The following SMG6 variants were observed in gnomAD, a reference collection of about 807,000 sequenced individuals.
The protein encoded by SMG6 is telomerase-binding protein EST1A.
SMG6 carries 66 observed loss-of-function variants against 142.2 expected under a neutral mutation model. The observed-to-expected ratio is 0.46, with a 90% CI of 0.38 to 0.57. SMG6 has a LOEUF of 0.57. Among genes scored for constraint, SMG6 ranks in the 20% least tolerant of loss-of-function variants. SMG6 has a pLI of 0.00. For synonymous variants in SMG6, 779 were observed against 702.4 expected, an observed-to-expected ratio of 1.11 and a Z score of -1.72; for missense variants, 1,793 against 1,832.0, an observed-to-expected ratio of 0.98 and a Z score of 0.39.
At chr17:2,283,783 C>T (rs774196045) in intron 6 of SMG6, 48 bp from the exon 7 acceptor site, 109 of 1,482,348 alleles carry the variant, frequency 7.4e-5, no homozygotes, top group Non-Finnish European at 9.6e-5. Flanking sequence ...CTCGTCCTAA[C>T]TCCAGCAAGA....
In SMG6 at chr17:2,188,508, G is replaced by A. The variant is rs758859759; in HGVS notation, c.2877C>T (p.Phe959=). The A allele has an allele frequency of 6.2e-7, 1 of 1,613,862 alleles. No individual in the cohort carries two copies. Among genetic ancestry groups the A allele is most frequent in the Non-Finnish European group, 8.5e-7 (1 of 1,179,928 alleles). The change falls in exon 11 of 19, where the codon TTC becomes TTT. Residue 959 remains phenylalanine, a synonymous_variant. Coordinates refer to ENST00000263073, the MANE Select transcript of SMG6 (RefSeq NM_017575.5). ...GGATCACAGAGCGGCACTCCTCCGA[G>A]AAGCAGTCTGCGGACAGGCAAATGA... is the stretch of plus-strand genomic sequence containing the variant. ...AVHNSQLKDC[F]SEECRSVIQE... is the part of the protein sequence containing the mutation.
chr17:2,080,942 T>G (rs2068405760), intron 15 of SMG6, among the ~76,000 whole-genome samples: 1 of 152,200 alleles, frequency 6.6e-6, no homozygotes, highest in Non-Finnish European at 1.5e-5. Flanking sequence ...GCCAGCACTT[T>G]CATTTAACAG....
chr17:2,299,861 CAG>C lies in SMG6; in HGVS notation c.890_891del (p.Ser297CysfsTer13). 6.2e-7 allele frequency: 1 copy of C among 1,614,160 alleles called. No individual in the cohort carries two copies. Among genetic ancestry groups the C allele is most frequent in the Non-Finnish European group, 8.5e-7 (1 of 1,179,982 alleles). On this transcript the variant is annotated frameshift_variant, in exon 2 of 19. Transcript: ENST00000263073. LOFTEE classifies it high-confidence loss of function. The surrounding 1 kb of genome is among the most constrained non-coding windows in gnomAD (Gnocchi z 4.3). ...KERPRLKKQVSVSSTDSLDED... is the reference protein window; with the variant it reads ...KERPRLKKQVXVSSTDSLDED... The stretch of plus-strand genomic sequence containing the variant: ...TCGTCTAAGGAATCGGTTGAGGACA[CAG>C]ACACTTGCTTCTTCAGTCGTGGCCT...
chr17:2,298,182 T>A (rs2075186308), intron 2 of SMG6, 127 bp from the exon 3 acceptor site: 4 of 740,756 alleles, frequency 5.4e-6, no homozygotes, highest in Non-Finnish European at 6.4e-6. Context: ...CAGGTAGGTA[T>A]ACTACTCACT....
chr17:2,280,366 A>C (rs1232103076), intron 8 of SMG6, among the ~76,000 whole-genome samples: 1 of 152,072 alleles, frequency 6.6e-6, no homozygotes, highest in African/African-American at 2.4e-5. Flanking sequence ...GGGTTCAAGC[A>C]ACTCTCCTGC....
At chr17:2,239,069 A>C (rs777005484) in intron 9 of SMG6, among the ~76,000 whole-genome samples, 1 of 152,106 alleles carries the variant, frequency 6.6e-6, no homozygotes, top group Non-Finnish European at 1.5e-5. Context: ...ATGCTATCTA[A>C]TTCTGGCCTC....
chr17:2,122,340 A>AT (rs2069727974), intron 13 of SMG6: 1 of 152,190 alleles, frequency 6.6e-6, no homozygotes, highest in East Asian at 1.9e-4. Flanking sequence ...TAAAAAGACA[A>AT]TATCTGGAAG....
Position 2,156,375 on chromosome 17 carries a change from CAG to C in SMG6, c.3357+16281_3357+16282del, listed in dbSNP as rs1302966504. Among the ~76,000 whole-genome samples the C allele has an allele frequency of 6.7e-5, 5 of 74,572 alleles. No homozygotes were observed. In the East Asian group the frequency reaches 2.2e-3, roughly 32 times the overall value. The allele number at this position is 74,572 out of a possible 152,430, so 48.9% of individuals were successfully genotyped here. On this transcript the variant is annotated intron_variant, in intron 13 of 18. Coordinates refer to ENST00000263073, the MANE Select transcript of SMG6 (RefSeq NM_017575.5). ...CACCACTGTACTTCACCCTGGGCAA[CAG>C]AGAGACACTCCTTCTCAAAAAAAAA...
chr17:2,182,415 G>A (rs966810622), intron 12 of SMG6, among the ~76,000 whole-genome samples: 3 of 152,154 alleles, frequency 2.0e-5, no homozygotes, highest in Non-Finnish European at 4.4e-5. Context: ...AGAACTGTCC[G>A]ATGCTGTGAG....
At chr17:2,110,007 C>T (rs970007197) in intron 13 of SMG6, among the ~76,000 whole-genome samples, 5 of 147,460 alleles carry the variant, frequency 3.4e-5, no homozygotes, top group South Asian at 2.1e-4. Context: ...TGCTTGAACC[C>T]GGAGGCAGAG....
At chr17:2,112,071 A>G (rs187580051) in intron 13 of SMG6, among the ~76,000 whole-genome samples, 92 of 152,172 alleles carry the variant, frequency 6.0e-4, no homozygotes, top group African/African-American at 2.1e-3. Flanking sequence ...CAAGGTCTTT[A>G]GTTGTGATTT....
At chr17:2,141,161 A>T (rs1372614523) in intron 13 of SMG6, among the ~76,000 whole-genome samples, 1 of 152,252 alleles carries the variant, frequency 6.6e-6, no homozygotes, top group African/African-American at 2.4e-5. Flanking sequence ...ACATGTGGCC[A>T]GTGGCTACCA....
chr17:2,153,018 T>C (rs531092237), intron 13 of SMG6, among the ~76,000 whole-genome samples: 2 of 152,186 alleles, frequency 1.3e-5, no homozygotes, highest in Non-Finnish European at 2.9e-5. Flanking sequence ...ATGATTGATA[T>C]AGGCAACAGC....
intron 13 of SMG6, among the ~76,000 whole-genome samples, chr17:2,113,591 T>A (rs2069407291): frequency 6.6e-6 from 1 of 152,218 alleles, no homozygotes; most frequent in Non-Finnish European, 1.5e-5. Context: ...AGCTGCCAAG[T>A]GAGCTATATG....
At chr17:2,164,182 T>C (rs867602751) in intron 13 of SMG6, among the ~76,000 whole-genome samples, 3 of 151,930 alleles carry the variant, frequency 2.0e-5, no homozygotes, top group Non-Finnish European at 4.4e-5. Flanking sequence ...TTTGGGAGGC[T>C]GAGGTGGAGG....
At position 2,152,819 on chromosome 17, in the gene SMG6, T is replaced by C. The variant is rs1436037534; in HGVS notation, c.3357+19839A>G. Among the ~76,000 whole-genome samples, 3 of 152,166 alleles carry C rather than the reference T, an allele frequency of 2.0e-5. No homozygotes were observed. The East Asian group carries it at 5.8e-4, about 29-fold the overall frequency. On this transcript the variant is annotated intron_variant, in intron 13 of 18. Transcript: ENST00000263073. ...ATAAACCACCCGTTCCACTCCTAAG[T>C]ATTTATCCAAGAGAAATGAAAACCT... is the stretch of plus-strand genomic sequence containing the variant.
At chr17:2,234,442 T>C (rs888862729) in intron 10 of SMG6, among the ~76,000 whole-genome samples, 1 of 151,068 alleles carries the variant, frequency 6.6e-6, no homozygotes, top group Admixed American at 6.6e-5. Context: ...TTGGTATTTT[T>C]AGTATAGACA....
At chr17:2,213,467 C>G (rs1272970670) in intron 10 of SMG6, among the ~76,000 whole-genome samples, 1 of 152,098 alleles carries the variant, frequency 6.6e-6, no homozygotes, top group Non-Finnish European at 1.5e-5. Flanking sequence ...GCAGGGCGGG[C>G]AGACGTTGGT....
At chr17:2,090,268 A>G (rs2068680416) in intron 13 of SMG6, among the ~76,000 whole-genome samples, 3 of 151,262 alleles carry the variant, frequency 2.0e-5, no homozygotes, top group African/African-American at 7.3e-5. Flanking sequence ...GTAGGGAACA[A>G]GCACAGTGTG....
Sources: allele counts gnomAD v4.1 joint callset (sites outside exome capture counted in the v4.1 genomes callset), GRCh38; gene constraint gnomAD v4.1.1; non-coding constraint Gnocchi (gnomAD v3.1); transcripts MANE v1.5; gene names NCBI Gene and HGNC (gene_info 2026-07-23, HGNC 2026-07-21).